ALK: variants seen among roughly 807,000 people sequenced by gnomAD.
ALK encodes the protein ALK tyrosine kinase receptor.
In ALK, 74 loss-of-function variants were observed where a neutral mutation model predicts 163.1. That is an observed-to-expected ratio of 0.45 (90% CI 0.38 to 0.55). ALK has a LOEUF of 0.55. ALK is among the 20% of genes least tolerant of loss of function. The pLI, the probability that ALK is intolerant of heterozygous loss-of-function variation, is 0.00. For synonymous variants in ALK, 960 were observed against 843.2 expected (o/e 1.14, Z -2.40); for missense variants, 2,063 against 2,105.3 (o/e 0.98, Z 0.39).
At chr2:29,730,534 T>A (rs1679711071) in intron 1 of ALK, among the ~76,000 whole-genome samples, 1 of 152,108 alleles carries the variant, frequency 6.6e-6, no homozygotes, top group African/African-American at 2.4e-5. Context: ...ATACATGGAC[T>A]CCCAAAGCCC....
chr2:29,585,405 C>G (rs952457234), intron 3 of ALK, among the ~76,000 whole-genome samples: 2 of 152,180 alleles, frequency 1.3e-5, no homozygotes, highest in Non-Finnish European at 2.9e-5. Context: ...CGGCTCACCA[C>G]AACCTCCACC....
At chr2:29,914,616 A>T (rs1029874942) in intron 1 of ALK, among the ~76,000 whole-genome samples, 3 of 152,230 alleles carry the variant, frequency 2.0e-5, no homozygotes, top group African/African-American at 7.2e-5. Context: ...TTGAACTATT[A>T]CTATCCCCAT....
At chr2:29,250,868 C>T (rs1664796923) in intron 12 of ALK, among the ~76,000 whole-genome samples, 1 of 152,238 alleles carries the variant, frequency 6.6e-6, no homozygotes, top group Non-Finnish European at 1.5e-5. Flanking sequence ...GCATGCATAT[C>T]ACCTCCACGA....
At chr2:29,537,764 T>A (rs1413091688) in intron 3 of ALK, among the ~76,000 whole-genome samples, 1 of 152,218 alleles carries the variant, frequency 6.6e-6, no homozygotes, top group Admixed American at 6.5e-5. Context: ...TCAACTCCAA[T>A]CTGTGGGAGC....
chr2:29,548,674 G>A (rs931885448), intron 3 of ALK, among the ~76,000 whole-genome samples: 1 of 151,964 alleles, frequency 6.6e-6, no homozygotes, highest in Admixed American at 6.6e-5. Context: ...TCTTGGGCCG[G>A]GGCTCACTAG....
chr2:29,589,226 T>C (rs1558398014), intron 3 of ALK, among the ~76,000 whole-genome samples: 1 of 152,196 alleles, frequency 6.6e-6, no homozygotes, highest in Non-Finnish European at 1.5e-5. Flanking sequence ...GCTGTTGCTA[T>C]AATAATGCTA....
chr2:29,885,331 C>G (rs58691635), intron 1 of ALK, among the ~76,000 whole-genome samples: 2 of 152,056 alleles, frequency 1.3e-5, no homozygotes, highest in Non-Finnish European at 2.9e-5. Context: ...ACATGATACT[C>G]TATGGAAAGG....
intron 1 of ALK, among the ~76,000 whole-genome samples, chr2:29,877,636 A>G (rs1022771882): frequency 6.6e-6 from 1 of 152,216 alleles, no homozygotes; most frequent in Non-Finnish European, 1.5e-5. Flanking sequence ...TGAATTCATG[A>G]GGCCTCAGTC....
intron 1 of ALK, among the ~76,000 whole-genome samples, chr2:29,729,658 C>T (rs1183355240): frequency 6.6e-6 from 1 of 152,196 alleles, no homozygotes. Flanking sequence ...TCCCAGCTCC[C>T]ACCCCCTCCA....
At chr2:29,339,070 C>G (rs1386834542) in intron 5 of ALK, among the ~76,000 whole-genome samples, 4 of 152,150 alleles carry the variant, frequency 2.6e-5, no homozygotes, top group African/African-American at 4.8e-5. Flanking sequence ...TGGCGAAACC[C>G]TGTCTCTACT....
chr2:29,306,886 C>T (rs573293980), intron 8 of ALK, among the ~76,000 whole-genome samples: 3 of 152,294 alleles, frequency 2.0e-5, no homozygotes, highest in South Asian at 2.1e-4. Flanking sequence ...ACCAGGAGTA[C>T]GCCACCAGCA....
At chr2:29,480,466 G>C (rs933494604) in intron 4 of ALK, among the ~76,000 whole-genome samples, 2 of 152,176 alleles carry the variant, frequency 1.3e-5, no homozygotes, top group Non-Finnish European at 2.9e-5. Flanking sequence ...GGCATTTGGA[G>C]AGGTGTGAAT....
At chr2:29,645,592 T>C (rs888463630) in intron 3 of ALK, among the ~76,000 whole-genome samples, 1 of 152,172 alleles carries the variant, frequency 6.6e-6, no homozygotes, top group African/African-American at 2.4e-5. Flanking sequence ...AGAAGTTGCA[T>C]GGTGACTTGG....
At position 29,230,051 on chromosome 2, in the gene ALK, A is replaced by G. The variant is rs553656733; in HGVS notation, c.2633-985T>C. ...GGATATCCCCTATGCCTACTGTTCC[A>G]TAGGACATTTGAATAGACATCTACA... On this transcript the variant is annotated intron_variant, in intron 15 of 28. Transcript: ENST00000389048. 5.9e-5 allele frequency among the ~76,000 whole-genome samples: 9 copies of G among 152,320 alleles called. No individual in the cohort carries two copies. The East Asian group carries it at 1.7e-3, about 29-fold the overall frequency.
chr2:29,470,824 G>A (rs1671330775), intron 4 of ALK, among the ~76,000 whole-genome samples: 1 of 152,058 alleles, frequency 6.6e-6, no homozygotes, highest in African/African-American at 2.4e-5. Flanking sequence ...AAAATACGTG[G>A]AAATATTTAA....
intron 6 of ALK, among the ~76,000 whole-genome samples, chr2:29,322,921 G>A (rs973297795): frequency 6.6e-6 from 1 of 152,208 alleles, no homozygotes; most frequent in African/African-American, 2.4e-5. Context: ...GGAGGAAGGA[G>A]GAGGCCGGCC....
intron 3 of ALK, among the ~76,000 whole-genome samples, chr2:29,577,599 G>A (rs1277268573): frequency 3.3e-5 from 5 of 152,170 alleles, no homozygotes; most frequent in African/African-American, 1.2e-4. Flanking sequence ...CCTGCCCCAG[G>A]GGATGCTACA....
chr2:29,818,878 T>G (rs115945683), intron 1 of ALK, among the ~76,000 whole-genome samples: 3,378 of 152,320 alleles, frequency 0.022, 42 homozygotes, highest in Middle Eastern at 0.044. Flanking sequence ...CTACTTCCTT[T>G]GGAAGGCACC....
At chr2:29,536,585 G>A (rs1308304068) in intron 3 of ALK, among the ~76,000 whole-genome samples, 1 of 152,100 alleles carries the variant, frequency 6.6e-6, no homozygotes. Flanking sequence ...ACAGAAAATT[G>A]GCACCAATGA....
Sources: allele counts gnomAD v4.1 joint callset (sites outside exome capture counted in the v4.1 genomes callset), GRCh38; gene constraint gnomAD v4.1.1; transcripts MANE v1.5; gene names NCBI Gene and HGNC (gene_info 2026-07-23, HGNC 2026-07-21).